GTF3C3: variants seen among roughly 807,000 people sequenced by gnomAD.
The protein encoded by GTF3C3 is general transcription factor IIIC subunit 3.
In GTF3C3, 75 loss-of-function variants were observed where a neutral mutation model predicts 105.2. That is an observed-to-expected ratio of 0.71 (90% CI 0.59 to 0.86). The LOEUF is 0.86. Ranked by LOEUF, GTF3C3 falls within the 40% of genes least tolerant of loss-of-function variation. GTF3C3 has a pLI of 0.00. For synonymous variants in GTF3C3, 335 were observed against 370.4 expected (o/e 0.90, Z 1.10); for missense variants, 856 against 1,076.5 (o/e 0.80, Z 2.87).
chr2:196,796,887 C>G (rs1699656391), intron 2 of GTF3C3, among the ~76,000 whole-genome samples: 1 of 152,186 alleles, frequency 6.6e-6, no homozygotes, highest in Admixed American at 6.5e-5. Flanking sequence ...CCCCACTTTC[C>G]TGGCAGAATA....
chr2:196,793,790 A>G (rs1211321497), intron 2 of GTF3C3, among the ~76,000 whole-genome samples: 1 of 152,216 alleles, frequency 6.6e-6, no homozygotes, highest in Non-Finnish European at 1.5e-5. Flanking sequence ...AAAAAATAAC[A>G]TGACATAGTT....
At position 196,789,868 on chromosome 2, in the gene GTF3C3, A is replaced by G. The variant is rs576341456; in HGVS notation, c.727+11T>C. ...CTTGTAAAAGTGAAAAAAAAAAAAA[A>G]TTTTAATTACCTTTTGTATAGCAAA... On this transcript the variant is annotated intron_variant, in intron 5 of 17. Transcript: ENST00000263956. 1.3e-6 allele frequency: 2 copies of G among 1,511,376 alleles called. No homozygotes were observed. The highest frequency in any genetic ancestry group is 1.8e-6 in the Non-Finnish European group (2 of 1,127,236). The allele number at this position is 1,511,376 out of a possible 1,614,324, so 93.6% of individuals were successfully genotyped here.
In GTF3C3 at chr2:196,776,285, C is replaced by A; in HGVS notation, c.1593+142G>T. 2 of 745,268 alleles carry A rather than the reference C, an allele frequency of 2.7e-6. No homozygotes were observed. Among genetic ancestry groups the A allele is most frequent in the East Asian group, 5.2e-5 (2 of 38,250 alleles). The allele number at this position is 745,268 out of a possible 1,614,324, so 46.2% of individuals were successfully genotyped here. A position where few individuals can be genotyped will look rare whatever the true frequency, so the allele number is the denominator to read the frequency against. ...TGTAACCCAACCAGTGGCTGAAATC[C>A]AATACTTAAAATCATTTTTCAAAAA... On this transcript the variant is annotated intron_variant, in intron 11 of 17. Coordinates refer to ENST00000263956, the MANE Select transcript of GTF3C3 (RefSeq NM_012086.5). This position sits in a 1 kb window ranked among gnomAD's most constrained non-coding sequence, Gnocchi z 4.5.
chr2:196,768,776 C>G (rs1699116826), intron 16 of GTF3C3, among the ~76,000 whole-genome samples: 1 of 152,078 alleles, frequency 6.6e-6, no homozygotes, highest in African/African-American at 2.4e-5. Flanking sequence ...TGAAATTTAG[C>G]TTCCATATTA....
At position 196,793,091 on chromosome 2, in the gene GTF3C3, C is replaced by T. The variant is rs755383901; in HGVS notation, c.276G>A (p.Glu92=). 6.2e-7 allele frequency: 1 copy of T among 1,613,856 alleles called. No individual in the cohort carries two copies. The highest frequency in any genetic ancestry group is 8.5e-7 in the Non-Finnish European group (1 of 1,179,826). ...VHKVFASMLG[E]NEDDEEEEEE... ...CCTCTTCCTCCTCATCATCTTCATT[C>T]TCTCCAAGCATGGAAGCAAAGACCT... Residue 92 remains glutamate, a synonymous_variant, in exon 3 of 18, where the codon GAG becomes GAA. Coordinates refer to ENST00000263956, the MANE Select transcript of GTF3C3 (RefSeq NM_012086.5).
chr2:196,794,357 G>C (rs1699600877), intron 2 of GTF3C3, among the ~76,000 whole-genome samples: 1 of 152,068 alleles, frequency 6.6e-6, no homozygotes, highest in African/African-American at 2.4e-5. Context: ...TTCTAGAAAA[G>C]TTCCAACAAA....
At position 196,769,911 on chromosome 2, in the gene GTF3C3, T is replaced by C. The variant is rs775916267; in HGVS notation, c.2385+4A>G. 4 of 1,604,676 alleles carry C rather than the reference T, an allele frequency of 2.5e-6. No individual in the cohort carries two copies. The highest frequency in any genetic ancestry group is 1.7e-5 in the Admixed American group (1 of 59,236). ...TCAAGTAACGAGAAATTTGAATGAA[T>C]TACCTGTACAATAAGAGCATGTCTC... On this transcript the variant is annotated splice_donor_region_variant and intron_variant, in intron 16 of 17. Coordinates refer to ENST00000263956, the MANE Select transcript of GTF3C3 (RefSeq NM_012086.5).
chr2:196,774,591 A>C (rs1335007135), intron 13 of GTF3C3, among the ~76,000 whole-genome samples: 1 of 152,216 alleles, frequency 6.6e-6, no homozygotes, highest in Non-Finnish European at 1.5e-5. Context: ...CACTGAAAGA[A>C]AACAGGCAGA....
At chr2:196,799,024 ATCGGACAATACTTT>A (rs1313343367) in intron 1 of GTF3C3, among the ~76,000 whole-genome samples, 1 of 152,180 alleles carries the variant, frequency 6.6e-6, no homozygotes, top group African/African-American at 2.4e-5. Flanking sequence ...TTATCTTCTT[ATCGGACAATACTTT>A]TTTATGGACT....
chr2:196,770,076 G>A (rs764983004), intron 15 of GTF3C3, 37 bp from the exon 16 acceptor site: 1 of 1,451,658 alleles, frequency 6.9e-7, no homozygotes, highest in Non-Finnish European at 9.1e-7. Flanking sequence ...GGTGTGACAA[G>A]AACAGAGTTA....
intron 16 of GTF3C3, among the ~76,000 whole-genome samples, chr2:196,767,815 T>C (rs1338322203): frequency 6.6e-6 from 1 of 152,202 alleles, no homozygotes; most frequent in Non-Finnish European, 1.5e-5. Context: ...AGATGAATTG[T>C]TGTAATGCAA....
intron 17 of GTF3C3, among the ~76,000 whole-genome samples, chr2:196,765,325 AT>A (rs1233675080): frequency 1.3e-5 from 2 of 152,150 alleles, no homozygotes; most frequent in African/African-American, 4.8e-5. Context: ...TGAAAAAAAA[AT>A]CTGCAACAAT....
chr2:196,778,111 TAG>T (rs1382499183), intron 10 of GTF3C3: 3 of 152,224 alleles, frequency 2.0e-5, no homozygotes, highest in Non-Finnish European at 4.4e-5. Flanking sequence ...TCTCTAATTA[TAG>T]AGTTCTGTCA....
At chr2:196,784,675 T>C (rs927697229) in intron 8 of GTF3C3, 182 bp downstream of exon 8, 1 of 416,068 alleles carries the variant, frequency 2.4e-6, no homozygotes, top group African/African-American at 2.2e-5. Context: ...TTTTAAAGAT[T>C]ACTTGTAAGT....
chr2:196,776,688 A>G lies in GTF3C3; in HGVS notation c.1391-59T>C. On this transcript the variant is annotated intron_variant, in intron 10 of 17. Coordinates refer to ENST00000263956, the MANE Select transcript of GTF3C3 (RefSeq NM_012086.5). This position sits in a 1 kb window ranked among gnomAD's most constrained non-coding sequence, Gnocchi z 4.5. ...ACTACAGATTTGTAAACTGGCCACAATTACTCTTCCATTTTAAAAGAAATA... is the reference window on the plus strand; with the variant it reads ...ACTACAGATTTGTAAACTGGCCACAGTTACTCTTCCATTTTAAAAGAAATA... 1 of 1,154,286 alleles carries G rather than the reference A, an allele frequency of 8.7e-7. No individual in the cohort carries two copies. Among genetic ancestry groups the G allele is most frequent in the Non-Finnish European group, 1.3e-6 (1 of 784,518 alleles). 71.5% of individuals were successfully genotyped at this position (1,154,286 alleles called of 1,614,324 possible). A position where few individuals can be genotyped will look rare whatever the true frequency, so the allele number is the denominator to read the frequency against.
At chr2:196,794,562 G>A (rs1699606899) in intron 2 of GTF3C3, among the ~76,000 whole-genome samples, 1 of 151,786 alleles carries the variant, frequency 6.6e-6, no homozygotes, top group Non-Finnish European at 1.5e-5. Flanking sequence ...AGCCTCATGG[G>A]GTAGCTGGGA....
intron 8 of GTF3C3, among the ~76,000 whole-genome samples, chr2:196,783,295 G>A (rs1699399820): frequency 6.6e-6 from 1 of 150,944 alleles, no homozygotes; most frequent in African/African-American, 2.4e-5. Context: ...AGGGAGGGAG[G>A]GAAGTAAAAT....
In GTF3C3 at chr2:196,793,064, TTCCTCTTCC is replaced by T. The variant is rs930436728; in HGVS notation, c.294_302del (p.Glu109_Glu111del). The T allele has an allele frequency of 1.9e-6, 3 of 1,612,868 alleles. No homozygotes were observed. Among genetic ancestry groups the T allele is most frequent in the Non-Finnish European group, 2.5e-6 (3 of 1,179,042 alleles). On this transcript the variant is annotated inframe_deletion, in exon 3 of 18. Transcript: ENST00000263956. ...CCTCCTCCTCCTCCTCCTCCTCTTC[TTCCTCTTCC>T]TCCTCATCATCTTCATTCTCTCCAA...
At chr2:196,781,353 A>AT (rs1376220822) in intron 8 of GTF3C3, among the ~76,000 whole-genome samples, 168 of 23,054 alleles carry the variant, frequency 7.3e-3, no homozygotes, top group Non-Finnish European at 0.016. Context: ...AAAAAAAAAA[A>AT]AAAAATATAT....
Sources: gnomAD v4.1 joint callset for allele counts (sites outside exome capture counted in the v4.1 genomes callset) on GRCh38, gnomAD v4.1.1 for gene constraint, Gnocchi (gnomAD v3.1) non-coding constraint, MANE v1.5 for transcripts, NCBI Gene and HGNC (gene_info 2026-07-23, HGNC 2026-07-21) for gene names.